The following TTN variants were observed in gnomAD, a reference collection of about 807,000 sequenced individuals.
The protein encoded by TTN is connectin.
TTN carries 1,525 observed loss-of-function variants against 3,223.0 expected under a neutral mutation model. That is an observed-to-expected ratio of 0.47 (90% CI 0.45 to 0.49). The LOEUF is 0.49. TTN is among the 20% of genes least tolerant of loss of function. The probability of loss-of-function intolerance (pLI) is 0.00; values close to 1 mark genes in which losing one functional copy is unlikely to be tolerated. For missense variants in TTN, 40,786 were observed against 43,424.0 expected, an observed-to-expected ratio of 0.94 and a Z score of 5.40; for synonymous variants, 14,094 against 15,161.0, an observed-to-expected ratio of 0.93 and a Z score of 5.17.
intron 159 of TTN, among the ~76,000 whole-genome samples, 152 bp downstream of exon 159, chr2:178,669,221 T>C (rs937322634): frequency 8.5e-5 from 13 of 152,170 alleles, no homozygotes; most frequent in African/African-American, 2.4e-5. Context: ...CTGAGGATAA[T>C]AGACACTAAG....
chr2:178,624,099 T>G (rs551647366), intron 242 of TTN, among the ~76,000 whole-genome samples: 1 of 152,086 alleles, frequency 6.6e-6, no homozygotes, highest in African/African-American at 2.4e-5. Flanking sequence ...ACTTTTACTT[T>G]GTTTTTAAAA....
In TTN at chr2:178,712,132, T is replaced by G; in HGVS notation, c.27698A>C (p.Glu9233Ala). The change falls in exon 96 of 363, where the codon GAA (glutamate) becomes GCA (alanine). Residue 9233 changes from glutamate (E) to alanine (A), a missense_variant. Physicochemically the swap from Glu to Ala is moderately radical, Grantham distance 107. Coordinates refer to ENST00000589042, the MANE Select transcript of TTN (RefSeq NM_001267550.2). ...TCCTTTATACCAGGATACCCCAATT[T>G]CAGGGGTTCCAGCAAGCTGGCATTG... is the stretch of plus-strand genomic sequence containing the variant. ...SLQCQLAGTP[E>A]IGVSWYKGDT... 1.9e-6 allele frequency: 3 copies of G among 1,613,800 alleles called. No individual in the cohort carries two copies. The highest frequency in any genetic ancestry group is 1.7e-6 in the Non-Finnish European group (2 of 1,179,792).
At chr2:178,804,333 G>T (rs954056045) in intron 2 of TTN, among the ~76,000 whole-genome samples, 10 of 152,062 alleles carry the variant, frequency 6.6e-5, no homozygotes, top group African/African-American at 2.4e-4. Flanking sequence ...TTGCTTTGTG[G>T]AATAATAAAT....
chr2:178,579,055 C>T lies in TTN; in HGVS notation c.67975G>A (p.Glu22659Lys), dbSNP rs778462661. ...GPIKFDEVTAEAMTLKWAPPK... is the reference protein window; with the variant it reads ...GPIKFDEVTAKAMTLKWAPPK... ...GGAGCCCACTTTAAGGTCATGGCTT[C>T]TGCTGTGACTTCATCAAATTTGATT... The change falls in exon 320 of 363, where the codon GAA becomes AAA. Residue 22659 changes from glutamate to lysine, a missense_variant. By Grantham distance (56) the Glu-to-Lys change is moderately conservative. Transcript: ENST00000589042. The T allele has an allele frequency of 6.2e-7, 1 of 1,613,252 alleles. No individual in the cohort carries two copies. The highest frequency in any genetic ancestry group is 8.5e-7 in the Non-Finnish European group (1 of 1,179,494).
intron 313 of TTN, 163 bp downstream of exon 313, chr2:178,582,777 A>C (rs2048079225): frequency 1.1e-6 from 1 of 918,200 alleles, no homozygotes; most frequent in Admixed American, 3.5e-5. Flanking sequence ...TGATTTCTAA[A>C]GCTCTTTTTA....
Position 178,575,053 on chromosome 2 carries a change from G to C in TTN, c.71079C>G (p.Ile23693Met). Residue 23693 changes from isoleucine to methionine, a missense_variant, in exon 326 of 363, where the codon ATC becomes ATG. Physicochemically the swap from Ile to Met is conservative, Grantham distance 10. Transcript: ENST00000589042. The surrounding 1 kb of genome is among the most constrained non-coding windows in gnomAD (Gnocchi z 4.0). ...ETTATSTILN[I>M]NECVRSDSGP... ...CACTATCACTTCTGACACACTCATT[G>C]ATATTTAAAATGGTTGAAGTCGCTG... 1.9e-6 allele frequency: 3 copies of C among 1,613,392 alleles called. No homozygotes were observed. Among genetic ancestry groups the C allele is most frequent in the Non-Finnish European group, 2.5e-6 (3 of 1,179,588 alleles).
At position 178,585,160 on chromosome 2, in the gene TTN, A is replaced by G; in HGVS notation, c.64584T>C (p.Asp21528=). The change falls in exon 309 of 363, where the codon GAT becomes GAC. Residue 21528 remains aspartate (D), a synonymous_variant. Coordinates refer to ENST00000589042, the MANE Select transcript of TTN (RefSeq NM_001267550.2). ...AGTAACCACTGTCTTTCCTAGTCACATCTTTTATGATCAGAATTGAAGAGC... is the reference window on the plus strand; with the variant it reads ...AGTAACCACTGTCTTTCCTAGTCACGTCTTTTATGATCAGAATTGAAGAGC... ...ADSSSILIIK[D]VTRKDSGYYS... The G allele has an allele frequency of 6.2e-7, 1 of 1,613,392 alleles. No homozygotes were observed. Among genetic ancestry groups the G allele is most frequent in the Middle Eastern group, 1.7e-4 (1 of 6,056 alleles).
At chr2:178,793,295 T>A in intron 9 of TTN, 109 bp downstream of exon 9, 1 of 1,471,288 alleles carries the variant, frequency 6.8e-7, no homozygotes, top group Non-Finnish European at 9.2e-7. Context: ...CTTATTAGTA[T>A]GCTAACAACC....
intron 47 of TTN, chr2:178,745,693 A>T (rs1161526287): frequency 2.5e-6 from 4 of 1,611,790 alleles, no homozygotes; most frequent in Non-Finnish European, 3.4e-6. Context: ...TAAACAGGTT[A>T]TGGAACCCTG....
In TTN at chr2:178,595,697, A is replaced by G. The variant is rs1282441893; in HGVS notation, c.57657T>C (p.Tyr19219=). 7.5e-6 allele frequency: 12 copies of G among 1,608,884 alleles called. No homozygotes were observed. The highest frequency in any genetic ancestry group is 2.3e-5 in the East Asian group (1 of 44,438). Residue 19219 remains tyrosine (Y), a synonymous_variant, in exon 295 of 363, where the codon TAT becomes TAC. Transcript: ENST00000589042. ...GGTCAGATTCACGCTTTTCAATGAC[A>G]TAATTGGTGATTGGAGAGCCTCCAT... ...EDDGGSPITN[Y]VIEKRESDRR...
chr2:178,682,920 A>G lies in TTN; in HGVS notation c.32888-17T>C. On this transcript the variant is annotated splice_polypyrimidine_tract_variant and intron_variant, in intron 134 of 362. Transcript: ENST00000589042. ...TAGTTACTTCTGAAACAATATTAAC[A>G]ACAGGCAGCACTTTACTTTAAAGCA... The G allele has an allele frequency of 1.9e-6, 3 of 1,574,900 alleles. No homozygotes were observed. The highest frequency in any genetic ancestry group is 2.6e-6 in the Non-Finnish European group (3 of 1,160,436).
chr2:178,590,015 A>G lies in TTN; in HGVS notation c.61710T>C (p.Pro20570=). ...GSAIVNVLDR[P]GPCQNLKVTN... is the part of the protein sequence containing the mutation. Reference sequence around the variant, plus strand: ...TAACCTTCAAATTCTGGCAAGGCCCAGGTCTGTCAAGGACGTTAACGATGG... The same window carrying G: ...TAACCTTCAAATTCTGGCAAGGCCCGGGTCTGTCAAGGACGTTAACGATGG... Residue 20570 remains proline, a synonymous_variant, in exon 304 of 363, where the codon CCT becomes CCC. Transcript: ENST00000589042. The G allele has an allele frequency of 1.2e-6, 2 of 1,613,220 alleles. No homozygotes were observed. The highest frequency in any genetic ancestry group is 1.7e-6 in the Non-Finnish European group (2 of 1,179,518).
intron 38 of TTN, 97 bp from the exon 39 acceptor site, chr2:178,768,252 A>G: frequency 7.2e-7 from 1 of 1,392,244 alleles, no homozygotes; most frequent in Non-Finnish European, 9.9e-7. Flanking sequence ...TATACAATTC[A>G]ATGAATTTCC....
intron 46 of TTN, chr2:178,753,450 G>T (rs112115865): frequency 3.2e-6 from 1 of 312,636 alleles, no homozygotes; most frequent in African/African-American, 2.2e-5. Context: ...TTACATGCAT[G>T]CAGAAAGCAA....
In TTN at chr2:178,757,578, C is replaced by T. The variant is rs1186138216; in HGVS notation, c.10642G>A (p.Ala3548Thr). 1 of 1,597,140 alleles carries T rather than the reference C, an allele frequency of 6.3e-7. No homozygotes were observed. The highest frequency in any genetic ancestry group is 8.6e-7 in the Non-Finnish European group (1 of 1,169,238). ...ACTGTGAGTGTAGCTGCACAAGTGG[C>T]TTCCCCAGCACTATTGGCTGCTTTG... ...SCKAANSAGE[A>T]TCAATLTVTP... The change falls in exon 45 of 363, where the codon GCC becomes ACC. Residue 3548 changes from alanine to threonine, a missense_variant. By Grantham distance (58) the Ala-to-Thr change is moderately conservative (BLOSUM62 0). Transcript: ENST00000589042.
rs1371741615 is a variant in TTN at position 178,557,295 on chromosome 2, G to A, written c.87967C>T (p.Pro29323Ser). 1 of 1,613,876 alleles carries A rather than the reference G, an allele frequency of 6.2e-7. No individual in the cohort carries two copies. The highest frequency in any genetic ancestry group is 8.5e-7 in the Non-Finnish European group (1 of 1,179,852). Residue 29323 changes from proline to serine, a missense_variant, in exon 329 of 363, where the codon CCT (proline) becomes TCT (serine). Coordinates refer to ENST00000589042, the MANE Select transcript of TTN (RefSeq NM_001267550.2). ...AAGACTGGTTCAGAAGGATGGCTAG[G>A]TTTTCCAACTCCAGCAGCATTTTCT... ...YAENAAGVGK[P>S]SHPSEPVLAI...
In TTN at chr2:178,610,137, C is replaced by T; in HGVS notation, c.51389G>A (p.Gly17130Glu). The T allele has an allele frequency of 6.2e-7, 1 of 1,612,958 alleles. No individual in the cohort carries two copies. Among genetic ancestry groups the T allele is most frequent in the Non-Finnish European group, 8.5e-7 (1 of 1,179,322 alleles). The change falls in exon 271 of 363, where the codon GGA becomes GAA. Residue 17130 changes from glycine (G) to glutamate (E), a missense_variant. Coordinates refer to ENST00000589042, the MANE Select transcript of TTN (RefSeq NM_001267550.2). The stretch of plus-strand genomic sequence containing the variant: ...TGGATTTTTCAGTTCAATATATTCT[C>T]CTCCACCAACCTTGTTGACTGCTTT... ...RVKAVNKVGG[G>E]EYIELKNPVI...
Position 178,728,399 on chromosome 2 carries a change from T to C in TTN, c.19427-2A>G. The stretch of plus-strand genomic sequence containing the variant: ...TGAATGATGGAGGAATATTTTGATC[T>C]GTCCAATGCAAACAGCAAAACACAT... On this transcript the variant is annotated splice_acceptor_variant, in intron 66 of 362. Transcript: ENST00000589042. LOFTEE classifies it high-confidence loss of function. 1.3e-6 allele frequency: 2 copies of C among 1,588,840 alleles called. No homozygotes were observed. Among genetic ancestry groups the C allele is most frequent in the Non-Finnish European group, 1.7e-6 (2 of 1,167,156 alleles).
intron 2 of TTN, among the ~76,000 whole-genome samples, chr2:178,802,762 A>G (rs1449018440): frequency 1.3e-5 from 2 of 152,356 alleles, no homozygotes; most frequent in South Asian, 4.1e-4. Context: ...GTGAAGAACA[A>G]AAGCAGCAAA....
Sources: allele counts gnomAD v4.1 joint callset (sites outside exome capture counted in the v4.1 genomes callset), GRCh38; gene constraint gnomAD v4.1.1; non-coding constraint Gnocchi (gnomAD v3.1); transcripts MANE v1.5; gene names NCBI Gene and HGNC (gene_info 2026-07-23, HGNC 2026-07-21).